RTL3: variants seen among roughly 807,000 people sequenced by gnomAD.
The protein encoded by RTL3 is retrotransposon Gag-like protein 3.
For missense variants in RTL3, 468 were observed against 341.8 expected (o/e 1.37, Z -2.91); for synonymous variants, 181 against 132.2 (o/e 1.37, Z -2.53).
chrX:78,657,724 C>T lies in RTL3; in HGVS notation c.697G>A (p.Ala233Thr). ...EFPQAPIGLE[A>T]TDFPLQYTLT... is the part of the protein sequence containing the mutation. ...GTGTATTGCAGGGGGAAATCTGTAG[C>T]CTCTAACCCAATAGGGGCCTGTGGA... Residue 233 changes from alanine (A) to threonine (T), a missense_variant, in exon 2 of 2, where the codon GCT becomes ACT. By Grantham distance (58) the Ala-to-Thr change is moderately conservative. Transcript: ENST00000321110. 8.3e-7 allele frequency: 1 copy of T among 1,211,114 alleles called. No homozygotes were observed.
Position 78,657,891 on chromosome X carries a change from G to A in RTL3, c.530C>T (p.Ala177Val), listed in dbSNP as rs1923043239. 4 of 1,205,392 alleles carry A rather than the reference G, an allele frequency of 3.3e-6. No homozygotes were observed. Among genetic ancestry groups the A allele is most frequent in the Non-Finnish European group, 4.5e-6 (4 of 893,753 alleles). The change falls in exon 2 of 2, where the codon GCA becomes GTA. Residue 177 changes from alanine to valine, a missense_variant. Physicochemically the swap from Ala to Val is moderately conservative, Grantham distance 64 (BLOSUM62 0). Coordinates refer to ENST00000321110, the MANE Select transcript of RTL3 (RefSeq NM_152694.3). ...PQEAPEYQET[A>V]AQLEFLELPP... Reference sequence around the variant, plus strand: ...AAGCTCAAGGAACTCTAGCTGTGCTGCAGTTTCCTGGTATTCTGGTGCCTC... The same window carrying A: ...AAGCTCAAGGAACTCTAGCTGTGCTACAGTTTCCTGGTATTCTGGTGCCTC...
chrX:78,658,552 G>A lies in RTL3; in HGVS notation c.-132C>T. The A allele has an allele frequency of 1.5e-6, 1 of 659,273 alleles. No homozygotes were observed. The allele number at this position is 659,273 out of a possible 1,213,427, so 54.3% of individuals were successfully genotyped here. A position where few individuals can be genotyped will look rare whatever the true frequency, so the allele number is the denominator to read the frequency against. On this transcript the variant is annotated 5_prime_UTR_variant, in exon 2 of 2. Transcript: ENST00000321110. ...TGAGTTTTCCAAGGGGTGGTATTTGGGCCCCGCCAAGGCTGATTATCAAGA... is the reference window on the plus strand; with the variant it reads ...TGAGTTTTCCAAGGGGTGGTATTTGAGCCCCGCCAAGGCTGATTATCAAGA...
In RTL3 at chrX:78,657,501, C is replaced by T. The variant is rs1336295598; in HGVS notation, c.920G>A (p.Ser307Asn). 2 of 1,207,078 alleles carry T rather than the reference C, an allele frequency of 1.7e-6. No homozygotes were observed. The highest frequency in any genetic ancestry group is 3.6e-5 in the South Asian group (2 of 56,070). ...IQSPLLEQCESFIPVLQDTFD... is the reference protein window; with the variant it reads ...IQSPLLEQCENFIPVLQDTFD... Reference sequence around the variant, plus strand: ...AGTATCCTGGAGCACAGGTATGAAACTTTCACATTGCTCCAGTAAGGGGCT... The same window carrying T: ...AGTATCCTGGAGCACAGGTATGAAATTTTCACATTGCTCCAGTAAGGGGCT... Residue 307 changes from serine to asparagine, a missense_variant, in exon 2 of 2, where the codon AGT becomes AAT. Ser to Asn is a conservative substitution (Grantham distance 46). Transcript: ENST00000321110.
Position 78,658,509 on chromosome X carries a change from G to T in RTL3, c.-89C>A. The T allele has an allele frequency of 1.1e-6, 1 of 903,293 alleles. No individual in the cohort carries two copies. Among genetic ancestry groups the T allele is most frequent in the East Asian group, 3.5e-5 (1 of 28,736 alleles). 74.4% of individuals were successfully genotyped at this position (903,293 alleles called of 1,213,427 possible). On this transcript the variant is annotated 5_prime_UTR_variant, in exon 2 of 2. In the 5' UTR this introduces an upstream ATG that the reference lacks. Coordinates refer to ENST00000321110, the MANE Select transcript of RTL3 (RefSeq NM_152694.3). ...AGATCCTTCCTGAAAGCTGCTTACA[G>T]GCAGATGTCAGGCTCAGTGAGTTTT...
rs751191682 is a variant in RTL3, at chrX:78,658,358, A to G, written c.63T>C (p.Ala21=). 1.6e-5 allele frequency: 19 copies of G among 1,208,648 alleles called. No homozygotes were observed. The highest frequency in any genetic ancestry group is 2.0e-5 in the Non-Finnish European group (18 of 894,872). The change falls in exon 2 of 2, where the codon GCT becomes GCC. Residue 21 remains alanine, a synonymous_variant. Coordinates refer to ENST00000321110, the MANE Select transcript of RTL3 (RefSeq NM_152694.3). ...VLKLENEIRQ[A]QVQWLMEENA... is the part of the protein sequence containing the mutation. ...TTTCTTCCATCAGCCACTGCACTTGAGCCTGCCGAATTTCATTCTCCAATT... is the reference window on the plus strand; with the variant it reads ...TTTCTTCCATCAGCCACTGCACTTGGGCCTGCCGAATTTCATTCTCCAATT...
chrX:78,658,007 G>C lies in RTL3; in HGVS notation c.414C>G (p.Gly138=). The C allele has an allele frequency of 8.4e-7, 1 of 1,187,576 alleles. No homozygotes were observed. The highest frequency in any genetic ancestry group is 1.1e-6 in the Non-Finnish European group (1 of 886,984). The change falls in exon 2 of 2, where the codon GGC becomes GGG. Residue 138 remains glycine (G), a synonymous_variant. Transcript: ENST00000321110. Reference sequence around the variant, plus strand: ...CATCCTGGGTGTTTGCAGGCCCCTGGCCCTCCAAGACTGTTGGGATCTCAT... The same window carrying C: ...CATCCTGGGTGTTTGCAGGCCCCTGCCCCTCCAAGACTGTTGGGATCTCAT... The part of the protein sequence containing the change: ...MAHEIPTVLE[G]QGPANTQDAT...
At position 78,658,000 on chromosome X, in the gene RTL3, G is replaced by T; in HGVS notation, c.421C>A (p.Pro141Thr). ...ATTGTGGCATCCTGGGTGTTTGCAG[G>T]CCCCTGGCCCTCCAAGACTGTTGGG... ...EIPTVLEGQG[P>T]ANTQDATIAQ... Residue 141 changes from proline (P) to threonine (T), a missense_variant, in exon 2 of 2, where the codon CCT becomes ACT. Physicochemically the swap from Pro to Thr is conservative, Grantham distance 38. Coordinates refer to ENST00000321110, the MANE Select transcript of RTL3 (RefSeq NM_152694.3). 1 of 1,189,349 alleles carries T rather than the reference G, an allele frequency of 8.4e-7. No homozygotes were observed. The highest frequency in any genetic ancestry group is 1.9e-5 in the South Asian group (1 of 52,467).
In RTL3 at chrX:78,658,493, C is replaced by T; in HGVS notation, c.-73G>A. The T allele has an allele frequency of 1.0e-6, 1 of 961,510 alleles. No individual in the cohort carries two copies. The highest frequency in any genetic ancestry group is 2.9e-5 in the South Asian group (1 of 34,437). The allele number at this position is 961,510 out of a possible 1,213,427, so 79.2% of individuals were successfully genotyped here. ...TGGGTGGGTGTTTGTGAGATCCTTC[C>T]TGAAAGCTGCTTACAGGCAGATGTC... On this transcript the variant is annotated 5_prime_UTR_variant, in exon 2 of 2. Coordinates refer to ENST00000321110, the MANE Select transcript of RTL3 (RefSeq NM_152694.3).
Position 78,658,087 on chromosome X carries a change from G to A in RTL3, c.334C>T (p.Pro112Ser), listed in dbSNP as rs1410662969. Residue 112 changes from proline to serine, a missense_variant, in exon 2 of 2, where the codon CCA (proline) becomes TCA (serine). By Grantham distance (74) the Pro-to-Ser change is moderately conservative. Coordinates refer to ENST00000321110, the MANE Select transcript of RTL3 (RefSeq NM_152694.3). The part of the protein sequence containing the change: ...AWELQEAPAA[P>S]ESLAPPATRE... Reference sequence around the variant, plus strand: ...GTTGCTGGAGGCGCCAGGGACTCTGGGGCTGCTGGGGCCTCCTGGAGTTCC... The same window carrying A: ...GTTGCTGGAGGCGCCAGGGACTCTGAGGCTGCTGGGGCCTCCTGGAGTTCC... 1 of 1,150,852 alleles carries A rather than the reference G, an allele frequency of 8.7e-7. No homozygotes were observed. The highest frequency in any genetic ancestry group is 1.1e-6 in the Non-Finnish European group (1 of 870,256). 94.8% of individuals were successfully genotyped at this position (1,150,852 alleles called of 1,213,427 possible).
chrX:78,656,819 G>A lies in RTL3; in HGVS notation c.*174C>T, dbSNP rs185274949. 6.0e-5 allele frequency: 31 copies of A among 517,152 alleles called. 1 individual carries two copies. The Admixed American group carries it at 1.2e-3, about 20-fold the overall frequency. The allele number at this position is 517,152 out of a possible 1,213,427, so 42.6% of individuals were successfully genotyped here. On this transcript the variant is annotated 3_prime_UTR_variant, in exon 2 of 2. Transcript: ENST00000321110. ...TTACTGCGGATGGGCAGCTTCTCTC[G>A]AAGAACCACAGTATGATCAATGCTG...
rs765997941 is a variant in RTL3 at position 78,658,549 on chromosome X, T to C, written c.-129A>G. On this transcript the variant is annotated 5_prime_UTR_variant, in exon 2 of 2. Coordinates refer to ENST00000321110, the MANE Select transcript of RTL3 (RefSeq NM_152694.3). Reference sequence around the variant, plus strand: ...CAGTGAGTTTTCCAAGGGGTGGTATTTGGGCCCCGCCAAGGCTGATTATCA... The same window carrying C: ...CAGTGAGTTTTCCAAGGGGTGGTATCTGGGCCCCGCCAAGGCTGATTATCA... 14 of 669,053 alleles carry C rather than the reference T, an allele frequency of 2.1e-5. No homozygotes were observed. The highest frequency in any genetic ancestry group is 3.3e-4 in the Middle Eastern group (1 of 3,056). 55.1% of individuals were successfully genotyped at this position (669,053 alleles called of 1,213,427 possible).
At position 78,658,010 on chromosome X, in the gene RTL3, C is replaced by G. The variant is rs747453158; in HGVS notation, c.411G>C (p.Glu137Asp). The change falls in exon 2 of 2, where the codon GAG (glutamate) becomes GAC (aspartate). Residue 137 changes from glutamate (E) to aspartate (D), a missense_variant. Physicochemically the swap from Glu to Asp is conservative, Grantham distance 45. Transcript: ENST00000321110. The part of the protein sequence containing the change: ...PMAHEIPTVL[E>D]GQGPANTQDA... ...CCTGGGTGTTTGCAGGCCCCTGGCC[C>G]TCCAAGACTGTTGGGATCTCATGGG... 1 of 1,181,554 alleles carries G rather than the reference C, an allele frequency of 8.5e-7. No homozygotes were observed. The highest frequency in any genetic ancestry group is 1.1e-6 in the Non-Finnish European group (1 of 884,616).
At position 78,658,101 on chromosome X, in the gene RTL3, T is replaced by C. The variant is rs1389776472; in HGVS notation, c.320A>G (p.Glu107Gly). The C allele has an allele frequency of 4.4e-6, 5 of 1,149,247 alleles. No individual in the cohort carries two copies. The highest frequency in any genetic ancestry group is 5.7e-6 in the Non-Finnish European group (5 of 870,152). 94.7% of individuals were successfully genotyped at this position (1,149,247 alleles called of 1,213,427 possible). A position where few individuals can be genotyped will look rare whatever the true frequency, so the allele number is the denominator to read the frequency against. ...CAGGGACTCTGGGGCTGCTGGGGCCTCCTGGAGTTCCCAGGCTGCTGGGGG... is the reference window on the plus strand; with the variant it reads ...CAGGGACTCTGGGGCTGCTGGGGCCCCCTGGAGTTCCCAGGCTGCTGGGGG... ...WEPPAAWELQ[E>G]APAAPESLAP... The change falls in exon 2 of 2, where the codon GAG becomes GGG. Residue 107 changes from glutamate to glycine, a missense_variant. Glu to Gly is a moderately conservative substitution (Grantham distance 98, BLOSUM62 -2). Coordinates refer to ENST00000321110, the MANE Select transcript of RTL3 (RefSeq NM_152694.3).
At position 78,656,778 on chromosome X, in the gene RTL3, C is replaced by A. The variant is rs1209182155; in HGVS notation, c.*215G>T. 1 of 412,010 alleles carries A rather than the reference C, an allele frequency of 2.4e-6. No individual in the cohort carries two copies. The highest frequency in any genetic ancestry group is 2.5e-5 in the African/African-American group (1 of 40,051). The allele number at this position is 412,010 out of a possible 1,213,427, so 34.0% of individuals were successfully genotyped here. A position where few individuals can be genotyped will look rare whatever the true frequency, so the allele number is the denominator to read the frequency against. ...GTGGATGGCCGTCGACAGTTTCCAG[C>A]ATCAGAGGGAAGATATTACTGCGGA... is the stretch of plus-strand genomic sequence containing the variant. On this transcript the variant is annotated 3_prime_UTR_variant, in exon 2 of 2. Transcript: ENST00000321110.
rs1395911276 is a variant in RTL3 at position 78,656,742 on chromosome X, T to A, written c.*251A>T. ...CAGGTGATGTTTCCTTAGTTATGGGTCCATTAATAAGTGGATGGCCGTCGA... is the reference window on the plus strand; with the variant it reads ...CAGGTGATGTTTCCTTAGTTATGGGACCATTAATAAGTGGATGGCCGTCGA... On this transcript the variant is annotated 3_prime_UTR_variant, in exon 2 of 2. Transcript: ENST00000321110. 4 of 366,386 alleles carry A rather than the reference T, an allele frequency of 1.1e-5. No individual in the cohort carries two copies. Among genetic ancestry groups the A allele is most frequent in the Admixed American group, 5.0e-5 (1 of 20,088 alleles). The allele number at this position is 366,386 out of a possible 1,213,427, so 30.2% of individuals were successfully genotyped here.
In RTL3 at chrX:78,657,768, G is replaced by A. The variant is rs781032624; in HGVS notation, c.653C>T (p.Thr218Ile). The A allele has an allele frequency of 5.0e-6, 6 of 1,209,665 alleles. No individual in the cohort carries two copies. Among genetic ancestry groups the A allele is most frequent in the Non-Finnish European group, 6.7e-6 (6 of 895,168 alleles). Residue 218 changes from threonine to isoleucine, a missense_variant, in exon 2 of 2, where the codon ACA (threonine) becomes ATA (isoleucine). Transcript: ENST00000321110. ...ESLEGLIVVE[T>I]SAASEFPQAP... ...CTGTGGAAACTCTGAAGCTGCTGAT[G>A]TCTCCACAACTATTAGACCCTCCAG...
In RTL3 at chrX:78,658,571, A is replaced by G; in HGVS notation, c.-151T>C. On this transcript the variant is annotated 5_prime_UTR_variant, in exon 2 of 2. Transcript: ENST00000321110. ...TATTTGGGCCCCGCCAAGGCTGATT[A>G]TCAAGAGGTCACTGGGAGCCTCCGG... is the stretch of plus-strand genomic sequence containing the variant. 1 of 521,094 alleles carries G rather than the reference A, an allele frequency of 1.9e-6. No individual in the cohort carries two copies. Among genetic ancestry groups the G allele is most frequent in the Non-Finnish European group, 3.0e-6 (1 of 336,155 alleles). The allele number at this position is 521,094 out of a possible 1,213,427, so 42.9% of individuals were successfully genotyped here.
intron 1 of RTL3, among the ~76,000 whole-genome samples, 163 bp from the exon 2 acceptor site, chrX:78,658,811 T>A (rs1301532894): frequency 8.9e-6 from 1 of 111,995 alleles, no homozygotes; most frequent in African/African-American, 3.3e-5. Context: ...AAGAACAGCA[T>A]CTGTCCCAAA....
chrX:78,658,503 CT>C lies in RTL3; in HGVS notation c.-84del. ...TTTGTGAGATCCTTCCTGAAAGCTG[CT>C]TACAGGCAGATGTCAGGCTCAGTGA... On this transcript the variant is annotated 5_prime_UTR_variant, in exon 2 of 2. Coordinates refer to ENST00000321110, the MANE Select transcript of RTL3 (RefSeq NM_152694.3). The C allele has an allele frequency of 1.1e-6, 1 of 931,267 alleles. No homozygotes were observed. Among genetic ancestry groups the C allele is most frequent in the Non-Finnish European group, 1.4e-6 (1 of 691,445 alleles). The allele number at this position is 931,267 out of a possible 1,213,427, so 76.7% of individuals were successfully genotyped here.
Sources: allele counts gnomAD v4.1 joint callset (sites outside exome capture counted in the v4.1 genomes callset), GRCh38; gene constraint gnomAD v4.1.1; transcripts MANE v1.5; gene names NCBI Gene and HGNC (gene_info 2026-07-23, HGNC 2026-07-21).